Variants in XKR4 observed in about 807,000 individuals in gnomAD.
The protein encoded by XKR4 is XK-related protein 4.
A neutral mutation model predicts 53.9 loss-of-function variants in XKR4; 12 were observed. The ratio of observed to expected loss-of-function variants is 0.22; its 90% CI spans 0.14 to 0.36. XKR4 has a LOEUF of 0.36. Ranked by LOEUF, XKR4 falls within the 10% of genes least tolerant of loss-of-function variation. XKR4 has a pLI of 1.00. For missense variants in XKR4, 799 were observed against 859.5 expected (o/e 0.93, Z 0.88); for synonymous variants, 354 against 362.4 (o/e 0.98, Z 0.26).
intron 2 of XKR4, among the ~76,000 whole-genome samples, chr8:55,522,277 T>A (rs1806808578): frequency 6.6e-6 from 1 of 152,160 alleles, no homozygotes; most frequent in Admixed American, 6.5e-5. Context: ...AATGATAAAA[T>A]AAGAGGAGTG....
chr8:55,473,182 G>T (rs1358096723), intron 2 of XKR4, among the ~76,000 whole-genome samples: 3 of 152,028 alleles, frequency 2.0e-5, no homozygotes, highest in East Asian at 1.9e-4. Flanking sequence ...CTTTAAAGCT[G>T]GGACCTTCTC....
At chr8:55,199,450 T>C (rs1291817406) in intron 1 of XKR4, among the ~76,000 whole-genome samples, 1 of 152,262 alleles carries the variant, frequency 6.6e-6, no homozygotes, top group East Asian at 1.9e-4. Context: ...ATTTAGGTAC[T>C]GTGCGCTTTC....
chr8:55,250,675 A>G (rs887747784), intron 1 of XKR4, among the ~76,000 whole-genome samples: 3 of 152,228 alleles, frequency 2.0e-5, no homozygotes, highest in South Asian at 4.1e-4. Flanking sequence ...GCACTTTCTA[A>G]TATCTAAGAC....
At chr8:55,424,231 C>G (rs113017837) in intron 2 of XKR4, among the ~76,000 whole-genome samples, 2,511 of 152,330 alleles carry the variant, frequency 0.016, 27 homozygotes, top group Middle Eastern at 0.037. Flanking sequence ...ATTTCCATGA[C>G]CAAAAGTCAT....
rs1806838013 is a variant in XKR4 at position 55,523,700 on chromosome 8, T to C, written c.1426T>C (p.Tyr476His). 6.8e-6 allele frequency: 11 copies of C among 1,614,224 alleles called. No homozygotes were observed. Among genetic ancestry groups the C allele is most frequent in the Non-Finnish European group, 8.5e-6 (10 of 1,180,046 alleles). ...AAATACAGCCTTGAGTGCCCTCTGG[T>C]ACCTCTACAAGGCTCCCCAGATTGC... The part of the protein sequence containing the change: ...LENTALSALW[Y>H]LYKAPQIADA... The change falls in exon 3 of 3, where the codon TAC becomes CAC. Residue 476 changes from tyrosine (Y) to histidine (H), a missense_variant. Tyr to His is a moderately conservative substitution (Grantham distance 83, BLOSUM62 2). Coordinates refer to ENST00000327381, the MANE Select transcript of XKR4 (RefSeq NM_052898.2).
At chr8:55,181,345 T>A (rs1817307597) in intron 1 of XKR4, among the ~76,000 whole-genome samples, 1 of 152,188 alleles carries the variant, frequency 6.6e-6, no homozygotes, top group Non-Finnish European at 1.5e-5. Flanking sequence ...GTCACTCTGA[T>A]AACTATTCCA....
At chr8:55,177,063 G>T (rs530924281) in intron 1 of XKR4, among the ~76,000 whole-genome samples, 225 of 150,352 alleles carry the variant, frequency 1.5e-3, no homozygotes, top group Non-Finnish European at 2.6e-3. Context: ...TCCAGACAGA[G>T]TCTTGCTCTG....
chr8:55,310,217 A>G (rs2129378132), intron 1 of XKR4, among the ~76,000 whole-genome samples: 1 of 152,332 alleles, frequency 6.6e-6, no homozygotes, highest in African/African-American at 2.4e-5. Flanking sequence ...ATTTAAAATA[A>G]TGCTATGCAC....
chr8:55,370,047 G>A (rs775672090), intron 2 of XKR4, among the ~76,000 whole-genome samples: 6 of 152,018 alleles, frequency 3.9e-5, no homozygotes, highest in Non-Finnish European at 8.8e-5. Context: ...GTGAAAGAGC[G>A]AGACCCCCAT....
At chr8:55,498,468 A>G (rs539835638) in intron 2 of XKR4, among the ~76,000 whole-genome samples, 1 of 152,276 alleles carries the variant, frequency 6.6e-6, no homozygotes, top group African/African-American at 2.4e-5. Flanking sequence ...TCCAGGGGTC[A>G]CCTGGCTGCT....
At chr8:55,397,034 C>T (rs994428506) in intron 2 of XKR4, among the ~76,000 whole-genome samples, 4 of 152,218 alleles carry the variant, frequency 2.6e-5, no homozygotes, top group Non-Finnish European at 4.4e-5. Flanking sequence ...CAAAGCCAGT[C>T]TTTTTATTCA....
intron 1 of XKR4, among the ~76,000 whole-genome samples, chr8:55,223,731 G>T (rs1817915702): frequency 6.6e-6 from 1 of 152,188 alleles, no homozygotes; most frequent in Non-Finnish European, 1.5e-5. Flanking sequence ...AAAATGTTTA[G>T]AGTGAAGGCT....
intron 2 of XKR4, among the ~76,000 whole-genome samples, chr8:55,374,627 C>G (rs937760346): frequency 2.0e-5 from 3 of 152,144 alleles, no homozygotes; most frequent in Non-Finnish European, 2.9e-5. Flanking sequence ...TATTCCTTAA[C>G]AGTCCTGCAA....
At chr8:55,209,520 G>A (rs1690820898) in intron 1 of XKR4, among the ~76,000 whole-genome samples, 1 of 152,162 alleles carries the variant, frequency 6.6e-6, no homozygotes, top group South Asian at 2.1e-4. Flanking sequence ...AGAGTATTGT[G>A]GGGAGGGCAG....
Position 55,504,383 on chromosome 8 carries a change from T to A in XKR4, c.1007-18898T>A, listed in dbSNP as rs575039994. ...ACACCCCACCACACCTGGCTAATTT[T>A]TTTTTTTTTTTAGTAGAGATGGGGT... is the stretch of plus-strand genomic sequence containing the variant. On this transcript the variant is annotated intron_variant, in intron 2 of 2. Transcript: ENST00000327381. 7.2e-5 allele frequency among the ~76,000 whole-genome samples: 11 copies of A among 151,750 alleles called. No homozygotes were observed. In the South Asian group the frequency reaches 2.1e-3, roughly 29 times the overall value.
intron 2 of XKR4, among the ~76,000 whole-genome samples, chr8:55,433,564 C>T (rs1805131667): frequency 6.6e-6 from 1 of 152,100 alleles, no homozygotes; most frequent in Non-Finnish European, 1.5e-5. Flanking sequence ...GTCTATTTCA[C>T]CCAAGAAAAA....
chr8:55,502,334 C>G (rs185197133), intron 2 of XKR4, among the ~76,000 whole-genome samples: 16 of 152,108 alleles, frequency 1.1e-4, no homozygotes, highest in Admixed American at 7.2e-4. Context: ...ACATTCCCAC[C>G]AACAGTACAC....
chr8:55,495,510 G>A (rs555445725), intron 2 of XKR4, among the ~76,000 whole-genome samples: 31 of 152,258 alleles, frequency 2.0e-4, no homozygotes, highest in South Asian at 4.2e-4. Context: ...CCATTCCTCC[G>A]TGCCCTACCA....
intron 1 of XKR4, among the ~76,000 whole-genome samples, chr8:55,207,758 T>A (rs1054950951): frequency 5.7e-5 from 1 of 17,548 alleles, no homozygotes; most frequent in Non-Finnish European, 1.7e-4. Flanking sequence ...AAAAGAGGAA[T>A]ACAGGGGGAG....
Sources: gnomAD v4.1 joint callset for allele counts (sites outside exome capture counted in the v4.1 genomes callset) on GRCh38, gnomAD v4.1.1 for gene constraint, MANE v1.5 for transcripts, NCBI Gene and HGNC (gene_info 2026-07-23, HGNC 2026-07-21) for gene names.